Variants in ADCY8 observed in about 807,000 individuals in gnomAD.
ADCY8 encodes adenylate cyclase 8, also known as adenylate cyclase type 8.
ADCY8 carries 51 observed loss-of-function variants against 119.7 expected under a neutral mutation model. That is an observed-to-expected ratio of 0.43 (90% CI 0.34 to 0.54). The LOEUF (loss-of-function observed/expected upper bound fraction) is 0.54, where lower values mean the gene tolerates loss of function less well. ADCY8 is among the 20% of genes least tolerant of loss of function. ADCY8 has a pLI of 0.03. For missense variants in ADCY8, 1,383 were observed against 1,598.8 expected, an observed-to-expected ratio of 0.87 and a Z score of 2.30; for synonymous variants, 665 against 651.0, an observed-to-expected ratio of 1.02 and a Z score of -0.33.
intron 9 of ADCY8, among the ~76,000 whole-genome samples, chr8:130,853,415 T>C (rs960131406): frequency 3.9e-5 from 6 of 152,170 alleles, no homozygotes; most frequent in African/African-American, 1.4e-4. Context: ...AGTGGTAGGA[T>C]CTCACACCAG....
At chr8:130,811,530 T>C (rs141746555) in intron 14 of ADCY8, among the ~76,000 whole-genome samples, 86 of 152,358 alleles carry the variant, frequency 5.6e-4, no homozygotes, top group Middle Eastern at 3.4e-3. Flanking sequence ...TCATTTCCTG[T>C]TTAGCTCAGT....
chr8:130,967,602 C>A (rs886889214), intron 2 of ADCY8, among the ~76,000 whole-genome samples: 5 of 152,142 alleles, frequency 3.3e-5, no homozygotes, highest in African/African-American at 1.2e-4. Context: ...AACTCACAGG[C>A]CATGGTCTGC....
intron 7 of ADCY8, among the ~76,000 whole-genome samples, chr8:130,895,418 C>T (rs368850160): frequency 1.3e-5 from 2 of 152,118 alleles, no homozygotes; most frequent in African/African-American, 2.4e-5. Flanking sequence ...CCTATCTCTA[C>T]CTTTATCTCT....
chr8:130,977,989 C>T (rs951610983), intron 2 of ADCY8, among the ~76,000 whole-genome samples: 3 of 152,142 alleles, frequency 2.0e-5, no homozygotes, highest in Non-Finnish European at 4.4e-5. Context: ...CTTCAGCAAA[C>T]GTGTAGTAAG....
intron 2 of ADCY8, among the ~76,000 whole-genome samples, chr8:130,982,237 C>G (rs1822262257): frequency 6.6e-6 from 1 of 152,156 alleles, no homozygotes; most frequent in Non-Finnish European, 1.5e-5. Flanking sequence ...GCTTGCCACT[C>G]AAAACCTTCC....
intron 14 of ADCY8, among the ~76,000 whole-genome samples, chr8:130,806,175 C>A (rs1376615526): frequency 6.6e-6 from 1 of 152,172 alleles, no homozygotes; most frequent in Non-Finnish European, 1.5e-5. Context: ...ACCACAGGTC[C>A]CTCAGCAGTT....
Position 130,945,383 on chromosome 8 carries a change from C to G in ADCY8, c.1242-1921G>C, listed in dbSNP as rs550834780. On this transcript the variant is annotated intron_variant, in intron 3 of 17. Transcript: ENST00000286355. ...GTGACTATACTGCCATTGTCTTCTA[C>G]AGTTCCGTGGTGGCAGAACATATGG... Among the ~76,000 whole-genome samples the G allele has an allele frequency of 2.0e-5, 3 of 152,346 alleles. No individual in the cohort carries two copies. In the South Asian group the frequency reaches 6.2e-4, roughly 32 times the overall value.
chr8:130,905,743 C>T (rs1471384679), intron 6 of ADCY8, among the ~76,000 whole-genome samples: 1 of 152,026 alleles, frequency 6.6e-6, no homozygotes, highest in African/African-American at 2.4e-5. Flanking sequence ...GCCTGTAGTC[C>T]CAGCTACTTG....
At chr8:130,918,860 A>G (rs1820210662) in intron 5 of ADCY8, among the ~76,000 whole-genome samples, 1 of 152,214 alleles carries the variant, frequency 6.6e-6, no homozygotes, top group Admixed American at 6.5e-5. Flanking sequence ...CAGGAGTTTG[A>G]CGCCAGCCTG....
At chr8:130,848,801 C>T (rs1817417383) in intron 10 of ADCY8, among the ~76,000 whole-genome samples, 1 of 152,144 alleles carries the variant, frequency 6.6e-6, no homozygotes, top group Non-Finnish European at 1.5e-5. Context: ...ACAGAAAATA[C>T]CTATAGCTAC....
chr8:130,903,559 G>A (rs1819677369), intron 7 of ADCY8, among the ~76,000 whole-genome samples: 1 of 148,142 alleles, frequency 6.8e-6, no homozygotes, highest in South Asian at 2.2e-4. Context: ...GAGAGAGGGT[G>A]TTAGGAACCC....
chr8:130,847,542 CAACAAA>C (rs1049852000), intron 10 of ADCY8, 29 bp from the exon 11 acceptor site: 14 of 1,421,270 alleles, frequency 9.9e-6, no homozygotes, highest in Admixed American at 3.9e-5. Flanking sequence ...AAAAAAAGAA[CAACAAA>C]AACAAAAACA....
intron 5 of ADCY8, among the ~76,000 whole-genome samples, chr8:130,934,805 G>T (rs1360491918): frequency 6.6e-6 from 1 of 152,138 alleles, no homozygotes; most frequent in African/African-American, 2.4e-5. Flanking sequence ...AGGACATCTT[G>T]GGTCTCTTTA....
At chr8:130,872,628 A>G (rs535056843) in intron 8 of ADCY8, among the ~76,000 whole-genome samples, 1 of 152,226 alleles carries the variant, frequency 6.6e-6, no homozygotes, top group Non-Finnish European at 1.5e-5. Context: ...AATTAGTTTA[A>G]TAAAATGCCA....
At chr8:130,816,544 G>GC (rs1816352456) in intron 13 of ADCY8, among the ~76,000 whole-genome samples, 1 of 148,196 alleles carries the variant, frequency 6.7e-6, no homozygotes, top group Non-Finnish European at 1.5e-5. Context: ...TCCTGCCTCA[G>GC]CCCCCCGAGT....
chr8:130,992,382 C>CAT (rs1161136558), intron 1 of ADCY8, among the ~76,000 whole-genome samples: 1,260 of 77,460 alleles, frequency 0.016, 95 homozygotes, highest in Non-Finnish European at 0.021. Flanking sequence ...CTGTATCTGG[C>CAT]ATATATATAT....
intron 9 of ADCY8, among the ~76,000 whole-genome samples, chr8:130,859,706 T>C (rs1469224543): frequency 1.3e-5 from 2 of 152,354 alleles, no homozygotes; most frequent in East Asian, 3.9e-4. Context: ...TAAAGTTTTA[T>C]AAGTTTTGAT....
At position 130,821,408 on chromosome 8, in the gene ADCY8, C is replaced by A. The variant is rs145363107; in HGVS notation, c.2688G>T (p.Gly896=). 1 of 1,612,954 alleles carries A rather than the reference C, an allele frequency of 6.2e-7. No homozygotes were observed. The highest frequency in any genetic ancestry group is 1.1e-5 in the South Asian group (1 of 90,956). ...NLNHSGEDFL[G]TKEVSLLLMA... ...TCAGTAGCAGTGATACCTCCTTGGT[C>A]CCCAGGAAATCTCTGTTGGAAGAAA... Residue 896 remains glycine, a synonymous_variant, in exon 13 of 18, where the codon GGG becomes GGT. Coordinates refer to ENST00000286355, the MANE Select transcript of ADCY8 (RefSeq NM_001115.3).
intron 1 of ADCY8, among the ~76,000 whole-genome samples, chr8:131,037,266 G>A (rs1273813296): frequency 1.3e-5 from 2 of 152,112 alleles, no homozygotes; most frequent in Non-Finnish European, 2.9e-5. Context: ...CAGGACCTTG[G>A]ATTTCACAGT....
Sources: allele counts gnomAD v4.1 joint callset (sites outside exome capture counted in the v4.1 genomes callset), GRCh38; gene constraint gnomAD v4.1.1; transcripts MANE v1.5; gene names NCBI Gene and HGNC (gene_info 2026-07-23, HGNC 2026-07-21).